HDAC9: variants seen among roughly 807,000 people sequenced by gnomAD.
HDAC9 encodes MEF-2 interacting transcription repressor (MITR) protein.
Under a neutral mutation model 139.4 loss-of-function variants are expected in HDAC9, and 41 were observed. That is an observed-to-expected ratio of 0.29 (90% CI 0.23 to 0.38). The LOEUF is 0.38. Among genes scored for constraint, HDAC9 ranks in the 10% least tolerant of loss-of-function variants. The pLI is 1.00. For synonymous variants in HDAC9, 517 were observed against 476.2 expected (o/e 1.09, Z -1.12); for missense variants, 1,147 against 1,297.0 (o/e 0.88, Z 1.78).
At chr7:18,366,630 T>A (rs1184954784) in intron 1 of HDAC9, among the ~76,000 whole-genome samples, 6 of 152,082 alleles carry the variant, frequency 3.9e-5, no homozygotes, top group Non-Finnish European at 8.8e-5. Context: ...TCTTTATCCT[T>A]CAAAAAATTT....
chr7:18,638,766 T>C (rs935048060), intron 8 of HDAC9, among the ~76,000 whole-genome samples: 5 of 152,072 alleles, frequency 3.3e-5, no homozygotes, highest in African/African-American at 4.8e-5. Flanking sequence ...ACCACTTCTG[T>C]TCCATTTCTT....
At chr7:18,591,440 C>CA (rs1215225602) in intron 4 of HDAC9, 76 bp from the exon 5 acceptor site, 22 of 1,472,686 alleles carry the variant, frequency 1.5e-5, no homozygotes, top group Non-Finnish European at 1.9e-5. Flanking sequence ...CATGAGAGGA[C>CA]AAAACTCACC....
chr7:18,597,093 TC>T (rs1369231670), intron 6 of HDAC9, among the ~76,000 whole-genome samples: 1 of 152,100 alleles, frequency 6.6e-6, no homozygotes. Context: ...GACCTTTACT[TC>T]CTTCCCCTTA....
intron 1 of HDAC9, among the ~76,000 whole-genome samples, chr7:18,346,714 G>A (rs753411340): frequency 6.6e-6 from 1 of 152,050 alleles, no homozygotes; most frequent in Admixed American, 6.6e-5. Context: ...CAATGGGATC[G>A]AAAGACACTT....
intron 1 of HDAC9, among the ~76,000 whole-genome samples, chr7:18,137,385 T>C (rs1321755090): frequency 2.0e-5 from 3 of 150,914 alleles, no homozygotes; most frequent in African/African-American, 7.4e-5. Context: ...CTTATGCCAG[T>C]TTTCAAAGGG....
intron 22 of HDAC9, among the ~76,000 whole-genome samples, chr7:18,904,712 A>T (rs1264189743): frequency 6.7e-6 from 1 of 149,558 alleles, no homozygotes; most frequent in Non-Finnish European, 1.5e-5. Flanking sequence ...AGTAGCTGGG[A>T]CTACAGGCAA....
intron 6 of HDAC9, among the ~76,000 whole-genome samples, chr7:18,608,831 T>G (rs774154207): frequency 1.3e-5 from 2 of 152,180 alleles, no homozygotes; most frequent in Admixed American, 6.5e-5. Context: ...GTGAGGCACA[T>G]GTAATAGGTT....
chr7:18,935,380 G>T (rs1781558274), intron 22 of HDAC9, among the ~76,000 whole-genome samples: 1 of 152,008 alleles, frequency 6.6e-6, no homozygotes, highest in Admixed American at 6.6e-5. Flanking sequence ...ATGTAAATTT[G>T]TAATATATAG....
Position 18,923,597 on chromosome 7 carries a change from G to T in HDAC9, c.2804-12212G>T, listed in dbSNP as rs76007821. Among the ~76,000 whole-genome samples, 1,136 of 152,050 alleles carry T rather than the reference G, an allele frequency of 7.5e-3. 18 individuals are homozygous for T. Among genetic ancestry groups the T allele is most frequent in the African/African-American group, 0.026 (1,075 of 41,492 alleles). On this transcript the variant is annotated intron_variant, in intron 22 of 25. Coordinates refer to ENST00000686413, the MANE Select transcript of HDAC9 (RefSeq NM_178425.4). ...TCCACAATCTTGTCATCTTCTTTCA[G>T]ATACCTTAAGTGTCTTGAAGTGTTT...
intron 22 of HDAC9, among the ~76,000 whole-genome samples, chr7:18,885,808 A>G (rs558016819): frequency 2.7e-4 from 41 of 152,316 alleles, no homozygotes; most frequent in Admixed American, 1.8e-3. Context: ...TAAGCTTTAT[A>G]ATATAATAGC....
chr7:18,369,845 G>A (rs754854116), intron 1 of HDAC9, among the ~76,000 whole-genome samples: 3 of 152,012 alleles, frequency 2.0e-5, no homozygotes, highest in South Asian at 2.1e-4. Flanking sequence ...GTTTGCATCC[G>A]TGTAACTGCT....
intron 21 of HDAC9, among the ~76,000 whole-genome samples, chr7:18,861,705 T>C (rs1045125313): frequency 1.3e-5 from 2 of 152,156 alleles, no homozygotes; most frequent in African/African-American, 4.8e-5. Flanking sequence ...AAGTCCCTCA[T>C]TGCCTTCAAA....
intron 14 of HDAC9, among the ~76,000 whole-genome samples, chr7:18,759,698 A>T (rs1789206428): frequency 6.6e-6 from 1 of 152,200 alleles, no homozygotes; most frequent in Non-Finnish European, 1.5e-5. Flanking sequence ...GGTGCCAAAA[A>T]GATTGGAAAC....
chr7:18,582,569 T>C (rs1828159133), intron 2 of HDAC9, among the ~76,000 whole-genome samples: 1 of 152,154 alleles, frequency 6.6e-6, no homozygotes, highest in Admixed American at 6.5e-5. Flanking sequence ...TCACTTAATG[T>C]GACAACTTTT....
rs542851914 is a variant in HDAC9 at position 18,969,316 on chromosome 7, T to C, written c.3023-6490T>C. 7.2e-5 allele frequency among the ~76,000 whole-genome samples: 11 copies of C among 152,296 alleles called. No homozygotes were observed. The East Asian group carries it at 1.7e-3, about 24-fold the overall frequency. On this transcript the variant is annotated intron_variant, in intron 24 of 25. Coordinates refer to ENST00000686413, the MANE Select transcript of HDAC9 (RefSeq NM_178425.4). ...CATCAAAATGGTATCATCTTAGTTA[T>C]AGGACTAAATTAGCCTTACATTAAA...
intron 2 of HDAC9, among the ~76,000 whole-genome samples, chr7:18,572,377 A>G (rs1824597233): frequency 6.7e-6 from 1 of 149,548 alleles, no homozygotes; most frequent in African/African-American, 2.5e-5. Context: ...GCTATTTCAA[A>G]TGACTAACAA....
At chr7:18,334,334 G>T (rs1268592322) in intron 1 of HDAC9, among the ~76,000 whole-genome samples, 1 of 151,302 alleles carries the variant, frequency 6.6e-6, no homozygotes, top group African/African-American at 2.4e-5. Context: ...ATCAGGAATG[G>T]CTTAGAGTCA....
chr7:18,175,548 A>T (rs1480997308), intron 2 of HDAC9, among the ~76,000 whole-genome samples: 1 of 148,462 alleles, frequency 6.7e-6, no homozygotes, highest in East Asian at 2.0e-4. Flanking sequence ...GTTGATCACG[A>T]TGGGAGCTGC....
intron 12 of HDAC9, among the ~76,000 whole-genome samples, chr7:18,709,538 T>C (rs1489666526): frequency 2.0e-5 from 3 of 152,220 alleles, no homozygotes; most frequent in Non-Finnish European, 4.4e-5. Flanking sequence ...AAGAACTAGA[T>C]TAAAATTTAG....
Sources: gnomAD v4.1 joint callset for allele counts (sites outside exome capture counted in the v4.1 genomes callset) on GRCh38, gnomAD v4.1.1 for gene constraint, MANE v1.5 for transcripts, NCBI Gene and HGNC (gene_info 2026-07-23, HGNC 2026-07-21) for gene names.